Variants in CLEC4A observed in about 807,000 individuals in gnomAD.
CLEC4A encodes C-type lectin domain family 4 member A.
CLEC4A carries 27 observed loss-of-function variants against 32.7 expected under a neutral mutation model. The ratio of observed to expected loss-of-function variants is 0.83; its 90% CI spans 0.61 to 1.14. CLEC4A has a LOEUF of 1.14. Ranked by LOEUF, CLEC4A falls within the 50% of genes most tolerant of loss-of-function variation. The pLI, the probability that CLEC4A is intolerant of heterozygous loss-of-function variation, is 0.00. For synonymous variants in CLEC4A, 89 were observed against 93.7 expected, an observed-to-expected ratio of 0.95 and a Z score of 0.29; for missense variants, 253 against 274.6, an observed-to-expected ratio of 0.92 and a Z score of 0.55.
At chr12:8,117,206 T>G in the CLEC4A span, among the ~76,000 whole-genome samples, 5 of 150,082 alleles carry the variant, frequency 3.3e-5, no homozygotes, top group African/African-American at 1.2e-4. Flanking sequence ...TCTTAAATTC[T>G]TTCCCTTGGG....
At chr12:8,132,031 T>A (rs1381374855) in intron 3 of CLEC4A, among the ~76,000 whole-genome samples, 1 of 152,190 alleles carries the variant, frequency 6.6e-6, no homozygotes, top group Non-Finnish European at 1.5e-5. Flanking sequence ...CAGTGTGTGT[T>A]GTTCCCCACT....
intron 3 of CLEC4A, chr12:8,133,812 C>T: frequency 1.9e-6 from 3 of 1,586,120 alleles, no homozygotes; most frequent in Non-Finnish European, 2.6e-6. Context: ...GTGACGGAGA[C>T]AGGGGGAAAG....
chr12:8,105,494 TG>T, the CLEC4A span, among the ~76,000 whole-genome samples: 6 of 151,758 alleles, frequency 4.0e-5, no homozygotes, highest in Non-Finnish European at 8.8e-5. Flanking sequence ...GGACTACAGG[TG>T]TGTGCCACCA....
intron 3 of CLEC4A, among the ~76,000 whole-genome samples, chr12:8,131,838 A>ATATC: frequency 6.6e-6 from 1 of 150,678 alleles, no homozygotes; most frequent in South Asian, 2.1e-4. Context: ...ATATATATAT[A>ATATC]TCTCTTCAAC....
chr12:8,107,498 C>T, the CLEC4A span, among the ~76,000 whole-genome samples: 2 of 152,064 alleles, frequency 1.3e-5, no homozygotes, highest in Non-Finnish European at 2.9e-5. Flanking sequence ...GCTGTGAATC[C>T]ACCTGGTCCT....
chr12:8,118,604 C>G, the CLEC4A span, among the ~76,000 whole-genome samples: 1 of 152,170 alleles, frequency 6.6e-6, no homozygotes, highest in Non-Finnish European at 1.5e-5. Flanking sequence ...AGGTGCCACA[C>G]ACTTTTAAGC....
chr12:8,134,463 T>C (rs1250213505), intron 3 of CLEC4A: 2 of 1,613,912 alleles, frequency 1.2e-6, no homozygotes, highest in South Asian at 1.1e-5. Flanking sequence ...CGGGTTTTGC[T>C]CCAGCTTCTC....
intron 4 of CLEC4A, among the ~76,000 whole-genome samples, chr12:8,136,042 A>G (rs1245544953): frequency 7.2e-5 from 11 of 152,338 alleles, no homozygotes. Context: ...ATGATTAACT[A>G]CTTAACAAAG....
chr12:8,104,716 C>T, the CLEC4A span, among the ~76,000 whole-genome samples: 1 of 152,032 alleles, frequency 6.6e-6, no homozygotes, highest in African/African-American at 2.4e-5. Context: ...GTTTTTCAAT[C>T]CTCTCCCTTC....
chr12:8,112,017 G>A, the CLEC4A span, among the ~76,000 whole-genome samples: 2 of 151,568 alleles, frequency 1.3e-5, no homozygotes, highest in African/African-American at 4.9e-5. Context: ...TGCCCAGGCT[G>A]GAGTGCAATG....
upstream of CLEC4A, among the ~76,000 whole-genome samples, chr12:8,119,416 G>T (rs1030123986): frequency 1.3e-5 from 2 of 152,116 alleles, no homozygotes; most frequent in Admixed American, 1.3e-4. Context: ...TAGTGATGGG[G>T]TTTCACCATG....
In CLEC4A at chr12:8,123,811, G is replaced by A; in HGVS notation, c.-68G>A. ...TAATTTACCACCATGTTTGGTTCCTGTTTATAAGATGTTTTAAGAAAGATC... is the reference window on the plus strand; with the variant it reads ...TAATTTACCACCATGTTTGGTTCCTATTTATAAGATGTTTTAAGAAAGATC... On this transcript the variant is annotated 5_prime_UTR_variant, in exon 1 of 6. Coordinates refer to ENST00000229332, the MANE Select transcript of CLEC4A (RefSeq NM_016184.4). 1.8e-6 allele frequency: 2 copies of A among 1,140,902 alleles called. No individual in the cohort carries two copies. The highest frequency in any genetic ancestry group is 3.0e-5 in the African/African-American group (2 of 65,662). The allele number at this position is 1,140,902 out of a possible 1,614,324, so 70.7% of individuals were successfully genotyped here.
intron 3 of CLEC4A, among the ~76,000 whole-genome samples, chr12:8,131,259 C>G (rs987483367): frequency 2.0e-5 from 3 of 152,182 alleles, no homozygotes; most frequent in African/African-American, 7.2e-5. Context: ...GTTACTCTTT[C>G]CCTCCCCACC....
chr12:8,134,979 G>GTTTTTTT (rs1591611840), intron 3 of CLEC4A: 4,701 of 162,768 alleles, frequency 0.029, 780 homozygotes, highest in Admixed American at 0.039. Flanking sequence ...AAGCGTTTTT[G>GTTTTTTT]TTTTTTGTTT....
upstream of CLEC4A, chr12:8,120,828 T>C (rs1185501738): frequency 6.6e-6 from 1 of 152,234 alleles, no homozygotes; most frequent in Non-Finnish European, 1.5e-5. Context: ...GTCTGTGTTC[T>C]CCTTTGTGAA....
chr12:8,135,497 C>A, intron 3 of CLEC4A, 88 bp from the exon 4 acceptor site: 2 of 1,366,034 alleles, frequency 1.5e-6, no homozygotes, highest in Non-Finnish European at 2.0e-6. Flanking sequence ...CTTCCATGTG[C>A]TCTCTCTTGG....
At chr12:8,119,054 C>A (rs912712735), upstream of CLEC4A, among the ~76,000 whole-genome samples, 9 of 152,122 alleles carry the variant, frequency 5.9e-5, no homozygotes, top group African/African-American at 2.2e-4. Context: ...TATAAATTAC[C>A]CAGTCTCAGG....
chr12:8,116,870 A>G, the CLEC4A span, among the ~76,000 whole-genome samples: 2 of 152,170 alleles, frequency 1.3e-5, no homozygotes, highest in Non-Finnish European at 2.9e-5. Context: ...TGCTTTGGGC[A>G]ATATATGGGT....
intron 2 of CLEC4A, among the ~76,000 whole-genome samples, chr12:8,127,611 A>G (rs973318658): frequency 5.3e-5 from 8 of 152,250 alleles, no homozygotes; most frequent in African/African-American, 1.9e-4. Context: ...GAAAATGGAT[A>G]AATGAGGACA....
Sources: gnomAD v4.1 joint callset for allele counts (sites outside exome capture counted in the v4.1 genomes callset) on GRCh38, gnomAD v4.1.1 for gene constraint, MANE v1.5 for transcripts, NCBI Gene and HGNC (gene_info 2026-07-23, HGNC 2026-07-21) for gene names.